MGST1: variants seen among roughly 807,000 people sequenced by gnomAD.
MGST1 encodes microsomal glutathione S-transferase 1.
Under a neutral mutation model 8.9 loss-of-function variants are expected in MGST1, and 5 were observed. The ratio of observed to expected loss-of-function variants is 0.56; its 90% confidence interval spans 0.29 to 1.19. The LOEUF (loss-of-function observed/expected upper bound fraction) is 1.19. Ranked by LOEUF, MGST1 falls within the 50% of genes most tolerant of loss-of-function variation. The pLI, the probability that MGST1 is intolerant of heterozygous loss-of-function variation, is 0.08. For synonymous variants in MGST1, 54 were observed against 67.8 expected (o/e 0.80, Z 1.00); for missense variants, 182 against 187.4 (o/e 0.97, Z 0.17).
intron 1 of MGST1, chr12:16,353,502 C>G (rs1422693736): frequency 6.6e-6 from 1 of 152,154 alleles, no homozygotes; most frequent in Admixed American, 6.5e-5. Flanking sequence ...TACATAAGAA[C>G]TGAGGCCTTC....
rs1178918219 is a variant in MGST1, at chr12:16,513,132, A to G, written n.483-76396A>G. On this transcript the variant is annotated intron_variant and non_coding_transcript_variant, in intron 4 of 4. Coordinates refer to the MGST1 transcript ENST00000538857. This position sits in a 1 kb window ranked among gnomAD's most constrained non-coding sequence, Gnocchi z 4.2. ...TTCATGTGTATATATACAGATACACATATACATAAACATACATATAACTTA... is the reference window on the plus strand; with the variant it reads ...TTCATGTGTATATATACAGATACACGTATACATAAACATACATATAACTTA... Among the ~76,000 whole-genome samples the G allele has an allele frequency of 3.3e-5, 5 of 152,236 alleles. No individual in the cohort carries two copies. The highest frequency in any genetic ancestry group is 1.2e-4 in the African/African-American group (5 of 41,464).
At chr12:16,436,738 A>C (rs1940991034) in intron 1 of MGST1, among the ~76,000 whole-genome samples, 1 of 151,978 alleles carries the variant, frequency 6.6e-6, no homozygotes, top group Admixed American at 6.6e-5. Context: ...CCAATAGTGT[A>C]CAGAAGGAGA....
At chr12:16,518,259 G>T (rs1371708126) in intron 4 of MGST1, among the ~76,000 whole-genome samples, 1 of 152,118 alleles carries the variant, frequency 6.6e-6, no homozygotes, top group Non-Finnish European at 1.5e-5. Flanking sequence ...TATCAAGGTT[G>T]TCTCTGCCTT....
intron 3 of MGST1, among the ~76,000 whole-genome samples, chr12:16,358,185 G>T (rs1368290616): frequency 6.6e-6 from 1 of 152,138 alleles, no homozygotes; most frequent in Non-Finnish European, 1.5e-5. Context: ...GGAATTCAAT[G>T]AGCAATGAAA....
chr12:16,478,089 G>C (rs1941335529), intron 4 of MGST1, among the ~76,000 whole-genome samples: 1 of 152,150 alleles, frequency 6.6e-6, no homozygotes, highest in Non-Finnish European at 1.5e-5. Context: ...GACTGCAGTG[G>C]CACGATCTTG....
chr12:16,399,208 C>A (rs1940631571), intron 1 of MGST1: 4 of 1,397,906 alleles, frequency 2.9e-6, no homozygotes, highest in Non-Finnish European at 4.0e-6. Context: ...AATACAGTTT[C>A]TATGTCATGT....
chr12:16,467,566 G>T (rs535418411), intron 4 of MGST1, among the ~76,000 whole-genome samples: 1 of 152,232 alleles, frequency 6.6e-6, no homozygotes, highest in South Asian at 2.1e-4. Context: ...AGAGTTTCAG[G>T]TTTGTTTTCA....
intron 4 of MGST1, among the ~76,000 whole-genome samples, chr12:16,521,402 C>G (rs189282124): frequency 1.3e-5 from 2 of 152,188 alleles, no homozygotes; most frequent in East Asian, 3.9e-4. Context: ...TTTACATTTT[C>G]CACTTCCTCC....
At chr12:16,498,069 AT>A (rs1052331937) in intron 4 of MGST1, among the ~76,000 whole-genome samples, 3 of 152,158 alleles carry the variant, frequency 2.0e-5, no homozygotes, top group Non-Finnish European at 2.9e-5. Flanking sequence ...AAATGGGTGA[AT>A]TTTTTCATCT....
chr12:16,443,098 A>G (rs1941051462), downstream of MGST1, among the ~76,000 whole-genome samples: 1 of 151,714 alleles, frequency 6.6e-6, no homozygotes, highest in Admixed American at 6.6e-5. Flanking sequence ...TGACCCTTTT[A>G]TCTCTATGAC....
chr12:16,357,759 G>A, intron 3 of MGST1, 60 bp downstream of exon 3: 1 of 1,395,044 alleles, frequency 7.2e-7, no homozygotes, highest in South Asian at 1.2e-5. Context: ...AAGGAGTTCA[G>A]TGAAGATGTC....
chr12:16,392,895 T>C (rs139629964), intron 1 of MGST1, among the ~76,000 whole-genome samples: 1 of 152,280 alleles, frequency 6.6e-6, no homozygotes, highest in East Asian at 1.9e-4. Flanking sequence ...TCTGTATCTA[T>C]CTAGAGGGAC....
At chr12:16,400,958 G>T in intron 1 of MGST1, 1 of 1,372,574 alleles carries the variant, frequency 7.3e-7, no homozygotes, top group Non-Finnish European at 1.0e-6. Context: ...TCACCTCTTT[G>T]CTTCTTCATT....
At chr12:16,428,990 TCC>T (rs1458211424) in intron 1 of MGST1, among the ~76,000 whole-genome samples, 2 of 152,126 alleles carry the variant, frequency 1.3e-5, no homozygotes, top group African/African-American at 2.4e-5. Flanking sequence ...CAATTGTAGT[TCC>T]ACATCGTTGT....
downstream of MGST1, among the ~76,000 whole-genome samples, chr12:16,381,007 C>T (rs1203537782): frequency 6.6e-6 from 1 of 152,170 alleles, no homozygotes; most frequent in Non-Finnish European, 1.5e-5. Context: ...AGCTCTTCCT[C>T]CATCCCTTTA....
Position 16,498,488 on chromosome 12 carries a change from C to T in MGST1, n.483-91040C>T, listed in dbSNP as rs184500114. Among the ~76,000 whole-genome samples, 319 of 152,288 alleles carry T rather than the reference C, an allele frequency of 2.1e-3. 1 individual carries two copies. Among genetic ancestry groups the T allele is most frequent in the Non-Finnish European group, 3.8e-3 (257 of 68,018 alleles). ...AAACTCAGTCCAGGCCATGTTCCTA[C>T]GTGGATTTATCCAGCTAAGGCTGAC... On this transcript the variant is annotated intron_variant and non_coding_transcript_variant, in intron 4 of 4. Transcript: ENST00000538857.
chr12:16,511,740 C>T (rs1400876263), intron 4 of MGST1, among the ~76,000 whole-genome samples: 1 of 152,140 alleles, frequency 6.6e-6, no homozygotes, highest in Non-Finnish European at 1.5e-5. Flanking sequence ...CCAGTACCAG[C>T]CCCTCTCTTC....
At chr12:16,543,840 C>G (rs1055272502) in intron 4 of MGST1, among the ~76,000 whole-genome samples, 1 of 152,010 alleles carries the variant, frequency 6.6e-6, no homozygotes, top group African/African-American at 2.4e-5. Context: ...TTGAGTTAAA[C>G]AGTAATCAAG....
intron 4 of MGST1, among the ~76,000 whole-genome samples, chr12:16,454,560 G>A (rs1253065067): frequency 2.6e-5 from 4 of 151,732 alleles, no homozygotes; most frequent in Non-Finnish European, 5.9e-5. Context: ...AAAGTCACCC[G>A]ATAATAAGTT....
Sources: gnomAD v4.1 joint callset for allele counts (sites outside exome capture counted in the v4.1 genomes callset) on GRCh38, gnomAD v4.1.1 for gene constraint, Gnocchi (gnomAD v3.1) non-coding constraint, MANE v1.5 for transcripts, NCBI Gene and HGNC (gene_info 2026-07-23, HGNC 2026-07-21) for gene names.